Variants in DIAPH1 observed in about 807,000 individuals in gnomAD.
DIAPH1 encodes protein diaphanous homolog 1.
In DIAPH1, 46 loss-of-function variants were observed where a neutral mutation model predicts 140.7. The observed-to-expected ratio is 0.33, with a 90% CI of 0.26 to 0.42. The LOEUF is 0.42. Ranked by LOEUF, DIAPH1 falls within the 10% of genes least tolerant of loss-of-function variation. The pLI, the probability that DIAPH1 is intolerant of heterozygous loss-of-function variation, is 1.00. For synonymous variants in DIAPH1, 565 were observed against 551.6 expected (o/e 1.02, Z -0.34); for missense variants, 1,310 against 1,558.7 (o/e 0.84, Z 2.69).
At chr5:141,588,544 A>C (rs990927755) in intron 1 of DIAPH1, among the ~76,000 whole-genome samples, 5 of 152,308 alleles carry the variant, frequency 3.3e-5, no homozygotes, top group African/African-American at 1.2e-4. Context: ...TACACTTATA[A>C]GATATGCTCA....
At position 141,579,104 on chromosome 5, in the gene DIAPH1, G is replaced by GTTC; in HGVS notation, c.914_916dup (p.Gly305_Thr306insArg). 6.2e-7 allele frequency: 1 copy of GTTC among 1,613,810 alleles called. No individual in the cohort carries two copies. Among genetic ancestry groups the GTTC allele is most frequent in the Non-Finnish European group, 8.5e-7 (1 of 1,179,730 alleles). On this transcript the variant is annotated inframe_insertion, in exon 9 of 28. Coordinates refer to ENST00000389054, the MANE Select transcript of DIAPH1 (RefSeq NM_005219.5). ...TATACATGCCTTCAGTGCAATAGTG[G>GTTC]TTCCACTTTTTAATCCATCCAGCAG...
In DIAPH1 at chr5:141,615,864, A is replaced by T. The variant is rs558464459; in HGVS notation, c.117+2934T>A. Among the ~76,000 whole-genome samples, 21 of 152,346 alleles carry T rather than the reference A, an allele frequency of 1.4e-4. No individual in the cohort carries two copies. The South Asian group carries it at 4.3e-3, about 32-fold the overall frequency. ...GCATACAAAGTCTATTAAATGTAAGAATACTCTGCAGCCTCCTAACATCCC... is the reference window on the plus strand; with the variant it reads ...GCATACAAAGTCTATTAAATGTAAGTATACTCTGCAGCCTCCTAACATCCC... On this transcript the variant is annotated intron_variant, in intron 1 of 27. Transcript: ENST00000389054.
At chr5:141,531,990 A>G (rs1210266434) in intron 19 of DIAPH1, among the ~76,000 whole-genome samples, 1 of 152,208 alleles carries the variant, frequency 6.6e-6, no homozygotes, top group Non-Finnish European at 1.5e-5. Context: ...TCCAGCCTCA[A>G]AATCACTGCC....
intron 1 of DIAPH1, among the ~76,000 whole-genome samples, chr5:141,592,904 A>G (rs2099898716): frequency 6.6e-6 from 1 of 152,228 alleles, no homozygotes; most frequent in Non-Finnish European, 1.5e-5. Flanking sequence ...AGACTGAACC[A>G]AAACATCTAA....
intron 1 of DIAPH1, among the ~76,000 whole-genome samples, chr5:141,594,077 G>A (rs1469732812): frequency 2.6e-5 from 4 of 152,156 alleles, no homozygotes; most frequent in African/African-American, 7.2e-5. Context: ...ATTTATAGGC[G>A]TGAGCCACCG....
intron 18 of DIAPH1, among the ~76,000 whole-genome samples, chr5:141,559,964 T>G (rs1388504075): frequency 6.6e-6 from 1 of 152,214 alleles, no homozygotes; most frequent in Non-Finnish European, 1.5e-5. Flanking sequence ...TATCCACTCG[T>G]GACCAATTCT....
intron 18 of DIAPH1, chr5:141,557,654 G>A (rs1428105623): frequency 6.6e-6 from 1 of 152,114 alleles, no homozygotes; most frequent in East Asian, 1.9e-4. Context: ...CTAAACCCAG[G>A]ATTAGAGTCT....
At chr5:141,556,896 T>C (rs935265350) in intron 18 of DIAPH1, among the ~76,000 whole-genome samples, 1 of 152,188 alleles carries the variant, frequency 6.6e-6, no homozygotes, top group Non-Finnish European at 1.5e-5. Flanking sequence ...GGTTTCGCCA[T>C]ATTGGCCAGG....
At chr5:141,519,710 G>A (rs1350855607) in intron 27 of DIAPH1, among the ~76,000 whole-genome samples, 1 of 152,160 alleles carries the variant, frequency 6.6e-6, no homozygotes, top group Non-Finnish European at 1.5e-5. Context: ...ATACACCAGG[G>A]AGGGTGTGAT....
rs568427501 is a variant in DIAPH1, at chr5:141,580,940, G to C, written c.685-57C>G. ...GAAAGACGAAAGCATCTAACTGGGG[G>C]ACAAGTTTACGGGTTGTTATGGGTT... On this transcript the variant is annotated intron_variant, in intron 7 of 27. Transcript: ENST00000389054. The C allele has an allele frequency of 1.5e-5, 24 of 1,611,668 alleles. No individual in the cohort carries two copies. In the South Asian group the frequency reaches 2.4e-4, roughly 16 times the overall value.
At chr5:141,610,838 G>A (rs548459612) in intron 1 of DIAPH1, among the ~76,000 whole-genome samples, 10 of 151,752 alleles carry the variant, frequency 6.6e-5, no homozygotes, top group Admixed American at 3.3e-4. Flanking sequence ...ACTTTGGGAA[G>A]CCAAGGTAGG....
chr5:141,573,744 G>C lies in DIAPH1; in HGVS notation c.2106C>G (p.Pro702=), dbSNP rs1554207925. The stretch of plus-strand genomic sequence containing the variant: ...CTTCTCCAGGCAAGGGAGGAGGTGG[G>C]GGGGGAATTCCAGCACTCCCAGGCA... ...PPLPGSAGIP[P]PPPPLPGEAG... is the part of the protein sequence containing the mutation. The change falls in exon 16 of 28, where the codon CCC becomes CCG. Residue 702 remains proline, a synonymous_variant. Transcript: ENST00000389054. The C allele has an allele frequency of 6.7e-7, 1 of 1,499,446 alleles. No individual in the cohort carries two copies. The highest frequency in any genetic ancestry group is 1.2e-5 in the South Asian group (1 of 82,560). 92.9% of individuals were successfully genotyped at this position (1,499,446 alleles called of 1,614,324 possible).
At chr5:141,541,708 A>G (rs2099889996) in intron 18 of DIAPH1, among the ~76,000 whole-genome samples, 1 of 151,634 alleles carries the variant, frequency 6.6e-6, no homozygotes, top group Non-Finnish European at 1.5e-5. Context: ...AAAGAAAGAA[A>G]AAGAAGAAAG....
intron 1 of DIAPH1, among the ~76,000 whole-genome samples, chr5:141,604,719 C>A (rs1477614124): frequency 6.6e-6 from 1 of 152,176 alleles, no homozygotes; most frequent in East Asian, 1.9e-4. Flanking sequence ...TATCCTCACA[C>A]CACTCCTGAA....
chr5:141,602,240 G>A (rs542514473), intron 1 of DIAPH1, among the ~76,000 whole-genome samples: 60 of 151,912 alleles, frequency 3.9e-4, no homozygotes, highest in Admixed American at 1.0e-3. Context: ...TTTTTGAGAC[G>A]AAGTCTCACT....
rs2099895953 is a variant in DIAPH1 at position 141,576,277 on chromosome 5, T to C, written c.1414A>G (p.Thr472Ala). 1 of 1,614,054 alleles carries C rather than the reference T, an allele frequency of 6.2e-7. No homozygotes were observed. Among genetic ancestry groups the C allele is most frequent in the Non-Finnish European group, 8.5e-7 (1 of 1,179,874 alleles). Residue 472 changes from threonine to alanine, a missense_variant, in exon 14 of 28, where the codon ACA (threonine) becomes GCA (alanine). Thr to Ala is a moderately conservative substitution (Grantham distance 58, BLOSUM62 0). Transcript: ENST00000389054. ...EGLIDQMIDK[T>A]KVEKSEAKAA... is the part of the protein sequence containing the mutation. ...TTGGCTTCAGATTTCTCCACCTTTGTCTTATCAATCATTTGATCTGAAAAG... is the reference window on the plus strand; with the variant it reads ...TTGGCTTCAGATTTCTCCACCTTTGCCTTATCAATCATTTGATCTGAAAAG...
rs1376240041 is a variant in DIAPH1, at chr5:141,580,836, C to T, written c.732G>A (p.Leu244=). ...GAACAGCAGGATCCATGGCTCTGAC[C>T]AGCAGTAGGATTCCTTCTTCTGTCT... The part of the protein sequence containing the change: ...MLETEEGILL[L]VRAMDPAVPN... The change falls in exon 8 of 28, where the codon CTG becomes CTA. Residue 244 remains leucine (L), a synonymous_variant. Coordinates refer to ENST00000389054, the MANE Select transcript of DIAPH1 (RefSeq NM_005219.5). The T allele has an allele frequency of 6.2e-7, 1 of 1,614,052 alleles. No homozygotes were observed. The highest frequency in any genetic ancestry group is 8.5e-7 in the Non-Finnish European group (1 of 1,180,022).
At chr5:141,595,530 G>C (rs186962858) in intron 1 of DIAPH1, among the ~76,000 whole-genome samples, 15 of 152,282 alleles carry the variant, frequency 9.9e-5, no homozygotes, top group African/African-American at 3.4e-4. Context: ...CCCCTATGCT[G>C]TTCTCATGAT....
chr5:141,537,269 A>G (rs2099889171), intron 18 of DIAPH1, among the ~76,000 whole-genome samples: 2 of 152,034 alleles, frequency 1.3e-5, no homozygotes, highest in South Asian at 4.2e-4. Flanking sequence ...GGATCACCTG[A>G]AGTCGGGAGT....
Sources: allele counts gnomAD v4.1 joint callset (sites outside exome capture counted in the v4.1 genomes callset), GRCh38; gene constraint gnomAD v4.1.1; transcripts MANE v1.5; gene names NCBI Gene and HGNC (gene_info 2026-07-23, HGNC 2026-07-21).